Variants in ZNF583 observed in about 807,000 individuals in gnomAD.
ZNF583 encodes the protein zinc finger protein 583.
A neutral mutation model predicts 55.3 loss-of-function variants in ZNF583; 30 were observed. The ratio of observed to expected loss-of-function variants is 0.54; its 90% CI spans 0.41 to 0.74. The LOEUF (loss-of-function observed/expected upper bound fraction) is 0.74, where lower values mean the gene tolerates loss of function less well. ZNF583 is among the 30% of genes least tolerant of loss of function. ZNF583 has a pLI of 0.00. For missense variants in ZNF583, 504 were observed against 664.7 expected, an observed-to-expected ratio of 0.76 and a Z score of 2.66; for synonymous variants, 208 against 220.0, an observed-to-expected ratio of 0.95 and a Z score of 0.48.
intron 4 of ZNF583, among the ~76,000 whole-genome samples, chr19:56,418,981 A>G (rs1423816177): frequency 2.0e-5 from 3 of 152,010 alleles, no homozygotes; most frequent in African/African-American, 7.3e-5. Flanking sequence ...CTATTTCTAC[A>G]TCTGTTGAAA....
chr19:56,418,104 G>A (rs2042356407), intron 4 of ZNF583, among the ~76,000 whole-genome samples: 2 of 152,074 alleles, frequency 1.3e-5, no homozygotes, highest in Admixed American at 1.3e-4. Context: ...TGCCTTGACT[G>A]TTTTAGATCA....
chr19:56,409,880 TAA>T (rs1296013704), intron 2 of ZNF583, among the ~76,000 whole-genome samples: 3 of 152,122 alleles, frequency 2.0e-5, no homozygotes, highest in Admixed American at 6.5e-5. Context: ...TTTTTTTGGT[TAA>T]GTCAGGTATT....
intron 2 of ZNF583, among the ~76,000 whole-genome samples, chr19:56,410,231 T>G (rs941357682): frequency 2.0e-5 from 3 of 152,180 alleles, no homozygotes; most frequent in African/African-American, 7.2e-5. Context: ...CCCTGAATTG[T>G]TTTTTCAATT....
At chr19:56,408,224 T>TAC (rs1348403234) in intron 2 of ZNF583, among the ~76,000 whole-genome samples, 2 of 151,956 alleles carry the variant, frequency 1.3e-5, no homozygotes, top group Non-Finnish European at 1.5e-5. Flanking sequence ...TATATATATA[T>TAC]ACACACACAC....
intron 2 of ZNF583, among the ~76,000 whole-genome samples, chr19:56,411,945 T>G (rs866497394): frequency 7.2e-5 from 11 of 152,330 alleles, no homozygotes; most frequent in South Asian, 6.2e-4. Context: ...ATTTGAGTAT[T>G]TCTTCAATAG....
At chr19:56,407,253 TC>T (rs1433395062) in intron 2 of ZNF583, 130 bp downstream of exon 2, 2 of 1,062,074 alleles carry the variant, frequency 1.9e-6, no homozygotes, top group Non-Finnish European at 2.8e-6. Flanking sequence ...GTTCCTCATA[TC>T]TTGCTTTCCA....
rs2042490528 is a variant in ZNF583 at position 56,426,079 on chromosome 19, G to A, written c.*1711G>A. The stretch of plus-strand genomic sequence containing the variant: ...GGTAAGACAGATTCACTATCATACT[G>A]ATGTCAGTAGCCCATGAATTAATTT... On this transcript the variant is annotated 3_prime_UTR_variant, in exon 5 of 5. Transcript: ENST00000333201. 6.6e-6 allele frequency: 1 copy of A among 152,162 alleles called. No individual in the cohort carries two copies. Among genetic ancestry groups the A allele is most frequent in the Admixed American group, 6.5e-5 (1 of 15,278 alleles). 9.4% of individuals were successfully genotyped at this position (152,162 alleles called of 1,614,324 possible). A position where few individuals can be genotyped will look rare whatever the true frequency, so the allele number is the denominator to read the frequency against.
At chr19:56,420,553 C>G (rs2042398166) in intron 4 of ZNF583, among the ~76,000 whole-genome samples, 1 of 152,174 alleles carries the variant, frequency 6.6e-6, no homozygotes, top group South Asian at 2.1e-4. Flanking sequence ...CTATTTCTTA[C>G]ACTTTCAATT....
Position 56,424,470 on chromosome 19 carries a change from G to T in ZNF583, c.*102G>T. 1.6e-6 allele frequency: 1 copy of T among 624,654 alleles called. No individual in the cohort carries two copies. Among genetic ancestry groups the T allele is most frequent in the South Asian group, 2.0e-5 (1 of 50,846 alleles). 38.7% of individuals were successfully genotyped at this position (624,654 alleles called of 1,614,324 possible). A position where few individuals can be genotyped will look rare whatever the true frequency, so the allele number is the denominator to read the frequency against. ...GGGATACTCGAGTAGCTTTCTAATT[G>T]GTCTCCTTGTACTCACCATTGTCTC... On this transcript the variant is annotated 3_prime_UTR_variant, in exon 5 of 5. Coordinates refer to ENST00000333201, the MANE Select transcript of ZNF583 (RefSeq NM_152478.3).
At chr19:56,408,097 T>C (rs1316331076) in intron 2 of ZNF583, among the ~76,000 whole-genome samples, 4 of 152,196 alleles carry the variant, frequency 2.6e-5, no homozygotes, top group African/African-American at 4.8e-5. Context: ...GTTTATTATA[T>C]GATGTACTGA....
rs2042443478 is a variant in ZNF583, at chr19:56,423,105, C to A, written c.447C>A (p.Ile149=). ...AATTAATCATCACTCATAAAGAAAT[C>A]CTTCCAGAAGTTCAAAATAAAGAAT... The part of the protein sequence containing the change: ...LSQLIITHKE[I]LPEVQNKEYN... The change falls in exon 5 of 5, where the codon ATC becomes ATA. Residue 149 remains isoleucine (I), a synonymous_variant. Coordinates refer to ENST00000333201, the MANE Select transcript of ZNF583 (RefSeq NM_152478.3). The A allele has an allele frequency of 6.2e-7, 1 of 1,611,932 alleles. No homozygotes were observed. The highest frequency in any genetic ancestry group is 1.3e-5 in the African/African-American group (1 of 74,846).
At chr19:56,413,150 AAC>A (rs919665282) in intron 2 of ZNF583, among the ~76,000 whole-genome samples, 11 of 152,252 alleles carry the variant, frequency 7.2e-5, no homozygotes, top group African/African-American at 2.7e-4. Context: ...TTTAAAATTC[AAC>A]ACACACAAGA....
At chr19:56,406,330 T>C (rs2042147196) in intron 1 of ZNF583, among the ~76,000 whole-genome samples, 1 of 152,106 alleles carries the variant, frequency 6.6e-6, no homozygotes, top group Non-Finnish European at 1.5e-5. Flanking sequence ...CATGATCGGG[T>C]GGAAAGAATT....
In ZNF583 at chr19:56,414,407, G is replaced by T; in HGVS notation, c.199G>T (p.Val67Leu). The T allele has an allele frequency of 2.5e-6, 4 of 1,614,146 alleles. No homozygotes were observed. Among genetic ancestry groups the T allele is most frequent in the Non-Finnish European group, 3.4e-6 (4 of 1,180,018 alleles). ...LLEQGKEPWM[V>L]KKEGTRGPCP... ...GGAGCAAGGAAAAGAGCCCTGGATG[G>T]TGAAGAAGGAGGGAACAAGAGGCCC... The change falls in exon 4 of 5, where the codon GTG (valine) becomes TTG (leucine). Residue 67 changes from valine to leucine, a missense_variant. This residue lies in a region of ZNF583 where 204 missense variants were observed against 235.2 expected (regional missense o/e 0.87). Transcript: ENST00000333201.
At chr19:56,407,807 G>T (rs1470368179) in intron 2 of ZNF583, among the ~76,000 whole-genome samples, 3 of 152,164 alleles carry the variant, frequency 2.0e-5, no homozygotes, top group African/African-American at 7.2e-5. Context: ...ACTAATGGGA[G>T]AGCACTTGAA....
Position 56,424,798 on chromosome 19 carries a change from C to A in ZNF583, c.*430C>A. The A allele has an allele frequency of 6.3e-6, 1 of 159,876 alleles. No homozygotes were observed. The highest frequency in any genetic ancestry group is 1.4e-5 in the Non-Finnish European group (1 of 72,444). 9.9% of individuals were successfully genotyped at this position (159,876 alleles called of 1,614,324 possible). On this transcript the variant is annotated 3_prime_UTR_variant, in exon 5 of 5. Coordinates refer to ENST00000333201, the MANE Select transcript of ZNF583 (RefSeq NM_152478.3). ...CATTTCCTGCCCTCTAATTTGGGGG[C>A]AGCAGTTTGTGCTTTGTAAGCTTCA...
chr19:56,409,197 A>G (rs2042201352), intron 2 of ZNF583, among the ~76,000 whole-genome samples: 1 of 152,158 alleles, frequency 6.6e-6, no homozygotes, highest in Non-Finnish European at 1.5e-5. Context: ...TTGTTAGAAT[A>G]TTAAGAGGAG....
intron 2 of ZNF583, among the ~76,000 whole-genome samples, chr19:56,407,524 T>A (rs2042173980): frequency 6.6e-6 from 1 of 152,212 alleles, no homozygotes; most frequent in Non-Finnish European, 1.5e-5. Context: ...AGGAGGGTTA[T>A]CAGGTGGTCT....
At chr19:56,420,464 C>T (rs942184965) in intron 4 of ZNF583, among the ~76,000 whole-genome samples, 1 of 152,158 alleles carries the variant, frequency 6.6e-6, no homozygotes, top group South Asian at 2.1e-4. Flanking sequence ...TTGAGATCCT[C>T]TTTGTTACTA....
Sources: gnomAD v4.1 joint callset for allele counts (sites outside exome capture counted in the v4.1 genomes callset) on GRCh38, gnomAD v4.1.1 for gene constraint, gnomAD v4.1.1 regional missense constraint, MANE v1.5 for transcripts, NCBI Gene and HGNC (gene_info 2026-07-23, HGNC 2026-07-21) for gene names.